DLC1: variants seen among roughly 807,000 people sequenced by gnomAD.
DLC1 encodes the protein DLC1 Rho GTPase activating protein.
A neutral mutation model predicts 140.3 loss-of-function variants in DLC1; 54 were observed. The ratio of observed to expected loss-of-function variants is 0.38; its 90% CI spans 0.31 to 0.48. The LOEUF is 0.48. Among genes scored for constraint, DLC1 ranks in the 20% least tolerant of loss-of-function variants. The pLI, the probability that DLC1 is intolerant of heterozygous loss-of-function variation, is 0.96. For synonymous variants in DLC1, 986 were observed against 728.1 expected (o/e 1.35, Z -5.70); for missense variants, 2,536 against 1,907.0 (o/e 1.33, Z -6.14).
chr8:13,147,070 G>A (rs1823487235), intron 5 of DLC1, among the ~76,000 whole-genome samples: 1 of 152,152 alleles, frequency 6.6e-6, no homozygotes, highest in Admixed American at 6.5e-5. Flanking sequence ...ATTTGCCCTG[G>A]TTTGTCTAAC....
intron 5 of DLC1, among the ~76,000 whole-genome samples, chr8:13,234,666 C>G (rs985921991): frequency 1.3e-5 from 2 of 151,776 alleles, no homozygotes; most frequent in African/African-American, 4.8e-5. Context: ...GTCTAGGGTT[C>G]TACTTGAGAT....
chr8:13,533,324 C>T (rs1803164036), intron 1 of DLC1, among the ~76,000 whole-genome samples: 1 of 151,828 alleles, frequency 6.6e-6, no homozygotes, highest in African/African-American at 2.4e-5. Flanking sequence ...AATGGAAAGA[C>T]AAAATATATT....
chr8:13,578,244 C>G (rs1469954614), intron 1 of DLC1, among the ~76,000 whole-genome samples: 1 of 152,128 alleles, frequency 6.6e-6, no homozygotes, highest in East Asian at 1.9e-4. Flanking sequence ...CAAAGGCTAT[C>G]CTTTTTCATC....
chr8:13,285,601 G>C (rs1450117574), intron 5 of DLC1, among the ~76,000 whole-genome samples: 2 of 152,082 alleles, frequency 1.3e-5, no homozygotes, highest in Non-Finnish European at 2.9e-5. Flanking sequence ...GCAAATTAAA[G>C]ACATATGGAG....
chr8:13,462,003 C>T (rs17219640), intron 2 of DLC1, among the ~76,000 whole-genome samples: 2,986 of 152,216 alleles, frequency 0.02, 66 homozygotes, highest in Non-Finnish European at 0.023. Context: ...CCCCGTTTTA[C>T]GATCTTTCTT....
At chr8:13,562,204 G>A (rs1804268302) in intron 1 of DLC1, among the ~76,000 whole-genome samples, 1 of 151,704 alleles carries the variant, frequency 6.6e-6, no homozygotes, top group African/African-American at 2.4e-5. Flanking sequence ...ACAATCCAAG[G>A]GCAAGTAGGA....
intron 2 of DLC1, among the ~76,000 whole-genome samples, chr8:13,411,555 T>A (rs1227472907): frequency 6.6e-6 from 1 of 152,174 alleles, no homozygotes; most frequent in African/African-American, 2.4e-5. Context: ...TGAGTGATAC[T>A]GACATGTCAT....
At chr8:13,090,215 C>T in intron 15 of DLC1, 37 bp downstream of exon 15, 1 of 1,592,962 alleles carries the variant, frequency 6.3e-7, no homozygotes, top group Non-Finnish European at 8.6e-7. Context: ...GCTTCGACTC[C>T]TGGACTCAAC....
At chr8:13,602,554 A>T (rs1030023755) in intron 1 of DLC1, among the ~76,000 whole-genome samples, 1 of 151,872 alleles carries the variant, frequency 6.6e-6, no homozygotes, top group Non-Finnish European at 1.5e-5. Context: ...CATGGAAATT[A>T]GGACAAGTTG....
intron 1 of DLC1, among the ~76,000 whole-genome samples, chr8:13,563,017 G>T (rs1165339104): frequency 6.6e-6 from 1 of 152,012 alleles, no homozygotes; most frequent in Non-Finnish European, 1.5e-5. Context: ...AAACATTTTT[G>T]AAAGATAATC....
chr8:13,099,545 C>T lies in DLC1; in HGVS notation c.2792G>A (p.Gly931Glu). The change falls in exon 9 of 18, where the codon GGA becomes GAA. Residue 931 changes from glycine (G) to glutamate (E), a missense_variant. Physicochemically the swap from Gly to Glu is moderately conservative, Grantham distance 98. Transcript: ENST00000276297. The part of the protein sequence containing the change: ...NQWSEKFSDE[G>E]DSDSALDSVS... ...CGAGTCCAGGGCTGAGTCCGAATCT[C>T]CCTCATCAGAAAACTTCTCCGACCA... The T allele has an allele frequency of 6.2e-7, 1 of 1,614,156 alleles. No individual in the cohort carries two copies. Among genetic ancestry groups the T allele is most frequent in the Non-Finnish European group, 8.5e-7 (1 of 1,180,024 alleles).
chr8:13,571,366 C>A (rs1804647671), intron 1 of DLC1, among the ~76,000 whole-genome samples: 1 of 152,126 alleles, frequency 6.6e-6, no homozygotes, highest in African/African-American at 2.4e-5. Flanking sequence ...AATAACTCCC[C>A]ATTCTCCTCT....
Position 13,166,269 on chromosome 8 carries a change from C to T in DLC1, c.1349-50612G>A, listed in dbSNP as rs145144032. Among the ~76,000 whole-genome samples the T allele has an allele frequency of 3.6e-3, 541 of 152,314 alleles. 3 individuals carry two copies. The highest frequency in any genetic ancestry group is 0.012 in the African/African-American group (498 of 41,574). On this transcript the variant is annotated intron_variant, in intron 5 of 17. Transcript: ENST00000276297. ...CTCCTGCCATTACCCTAATTCAGGC[C>T]ATCATTCCTTTTGATCAGGGCTATG...
At chr8:13,112,205 C>T (rs927023464) in intron 6 of DLC1, among the ~76,000 whole-genome samples, 3 of 152,046 alleles carry the variant, frequency 2.0e-5, no homozygotes, top group Non-Finnish European at 2.9e-5. Context: ...TGGCTAATGC[C>T]ACACAGTGGA....
chr8:13,345,964 A>G (rs990336170), intron 4 of DLC1, among the ~76,000 whole-genome samples: 1 of 152,236 alleles, frequency 6.6e-6, no homozygotes, highest in Non-Finnish European at 1.5e-5. Context: ...GGCATTGTTC[A>G]TAGAAAAATT....
intron 1 of DLC1, chr8:13,558,265 C>G (rs1281391160): frequency 6.6e-6 from 1 of 152,102 alleles, no homozygotes; most frequent in Non-Finnish European, 1.5e-5. Flanking sequence ...GTAAAATCAG[C>G]TTTCACACAG....
Position 13,585,387 on chromosome 8 carries a change from G to C in DLC1, c.-126+19150C>G, listed in dbSNP as rs575664074. 5.3e-5 allele frequency among the ~76,000 whole-genome samples: 8 copies of C among 152,090 alleles called. No homozygotes were observed. The East Asian group carries it at 1.5e-3, about 29-fold the overall frequency. ...AAGACCAGACTAGGAAACATAGCAA[G>C]ACTCTCATCTCTATAAAAAATTTAA... On this transcript the variant is annotated intron_variant, in intron 1 of 1. Coordinates refer to the DLC1 transcript ENST00000631382.
In DLC1 at chr8:13,114,515, C is replaced by G. The variant is rs1305475182; in HGVS notation, c.1420+1071G>C. 2.0e-5 allele frequency among the ~76,000 whole-genome samples: 3 copies of G among 152,050 alleles called. No individual in the cohort carries two copies. The South Asian group carries it at 6.2e-4, about 32-fold the overall frequency. ...AAAATGAGATGTTAAGAATTCAGCA[C>G]AGATCCTATTTTTTTTTTTGAACCA... On this transcript the variant is annotated intron_variant, in intron 6 of 17. Transcript: ENST00000276297.
At chr8:13,488,097 T>C (rs1563390504) in intron 2 of DLC1, among the ~76,000 whole-genome samples, 2 of 152,196 alleles carry the variant, frequency 1.3e-5, no homozygotes, top group Admixed American at 6.5e-5. Context: ...GGAATTATTC[T>C]CATGCCTTCT....
Sources: gnomAD v4.1 joint callset for allele counts (sites outside exome capture counted in the v4.1 genomes callset) on GRCh38, gnomAD v4.1.1 for gene constraint, MANE v1.5 for transcripts, NCBI Gene and HGNC (gene_info 2026-07-23, HGNC 2026-07-21) for gene names.